The following ZHX2 variants were observed in gnomAD, a reference collection of about 807,000 sequenced individuals.
ZHX2 encodes zinc fingers and homeoboxes 2.
In ZHX2, 6 loss-of-function variants were observed where a neutral mutation model predicts 21.9. The ratio of observed to expected loss-of-function variants is 0.27; its 90% CI spans 0.15 to 0.54. The LOEUF is 0.54. ZHX2 is among the 20% of genes least tolerant of loss of function. The probability of loss-of-function intolerance (pLI) is 0.95; values close to 1 mark genes in which losing one functional copy is unlikely to be tolerated. For missense variants in ZHX2, 908 were observed against 1,090.7 expected (o/e 0.83, Z 2.36); for synonymous variants, 434 against 437.1 (o/e 0.99, Z 0.09).
intron 3 of ZHX2, among the ~76,000 whole-genome samples, chr8:122,955,334 G>A (rs1017574506): frequency 3.3e-5 from 5 of 152,046 alleles, no homozygotes; most frequent in East Asian, 1.9e-4. Context: ...AAAATACCAC[G>A]GAATGGGCCT....
chr8:122,951,598 G>A lies in ZHX2; in HGVS notation c.88G>A (p.Ala30Thr). The A allele has an allele frequency of 6.2e-7, 1 of 1,613,896 alleles. No individual in the cohort carries two copies. Among genetic ancestry groups the A allele is most frequent in the Non-Finnish European group, 8.5e-7 (1 of 1,179,966 alleles). The change falls in exon 3 of 4, where the codon GCC (alanine) becomes ACC (threonine). Residue 30 changes from alanine to threonine, a missense_variant. Physicochemically the swap from Ala to Thr is moderately conservative, Grantham distance 58 (BLOSUM62 0). Coordinates refer to ENST00000314393, the MANE Select transcript of ZHX2 (RefSeq NM_014943.5). ...AGATGTGCCCGAGGAAGTAGACAGG[G>A]CCAAAGAGAAAGGAATCGGCACACC... ...EQDVPEEVDR[A>T]KEKGIGTPQP...
At chr8:122,853,761 C>T (rs1220551643) in intron 1 of ZHX2, among the ~76,000 whole-genome samples, 1 of 152,094 alleles carries the variant, frequency 6.6e-6, no homozygotes, top group Non-Finnish European at 1.5e-5. Flanking sequence ...CCACTATCTC[C>T]CCATGCCCTT....
intron 3 of ZHX2, among the ~76,000 whole-genome samples, chr8:122,966,640 A>G (rs1176994746): frequency 6.6e-6 from 1 of 152,098 alleles, no homozygotes; most frequent in African/African-American, 2.4e-5. Flanking sequence ...CTAGGTGATG[A>G]TCTTTTTGTG....
intron 2 of ZHX2, among the ~76,000 whole-genome samples, chr8:122,893,855 T>C (rs1229653633): frequency 6.6e-6 from 1 of 152,224 alleles, no homozygotes; most frequent in Non-Finnish European, 1.5e-5. Context: ...GGAAAATTAT[T>C]GTTTTCCTTT....
intron 2 of ZHX2, among the ~76,000 whole-genome samples, chr8:122,892,310 C>T (rs998117022): frequency 2.6e-5 from 4 of 152,084 alleles, no homozygotes; most frequent in Non-Finnish European, 4.4e-5. Context: ...TGTCTATGTG[C>T]GTCTTTACAA....
At chr8:122,834,803 T>C (rs1438423945) in intron 1 of ZHX2, among the ~76,000 whole-genome samples, 2 of 152,196 alleles carry the variant, frequency 1.3e-5, no homozygotes, top group African/African-American at 2.4e-5. Context: ...TGGGTTTTCA[T>C]TAGGACCTTG....
intron 1 of ZHX2, among the ~76,000 whole-genome samples, chr8:122,799,397 A>AT (rs33947288): frequency 0.012 from 1,740 of 149,018 alleles, 18 homozygotes; most frequent in Non-Finnish European, 0.017. Flanking sequence ...GTGCGCCACA[A>AT]TTTTTTTTTT....
At chr8:122,864,514 A>G (rs568678939) in intron 2 of ZHX2, among the ~76,000 whole-genome samples, 1 of 152,202 alleles carries the variant, frequency 6.6e-6, no homozygotes, top group East Asian at 1.9e-4. Flanking sequence ...TGGGGAGCCT[A>G]TCTCATGCCA....
chr8:122,878,177 A>G (rs954939833), intron 2 of ZHX2, among the ~76,000 whole-genome samples: 1 of 152,224 alleles, frequency 6.6e-6, no homozygotes, highest in Non-Finnish European at 1.5e-5. Context: ...GTAGCAAAAT[A>G]CAATCAAAGC....
At chr8:122,825,236 A>C (rs1172831550) in intron 1 of ZHX2, among the ~76,000 whole-genome samples, 1 of 152,142 alleles carries the variant, frequency 6.6e-6, no homozygotes, top group Non-Finnish European at 1.5e-5. Flanking sequence ...CCTCTTGCAC[A>C]TGCACATTCT....
At chr8:122,965,650 A>G (rs551664282) in intron 3 of ZHX2, among the ~76,000 whole-genome samples, 1 of 152,272 alleles carries the variant, frequency 6.6e-6, no homozygotes, top group South Asian at 2.1e-4. Flanking sequence ...CATTCGGAAA[A>G]TATCTGTTAA....
intron 2 of ZHX2, among the ~76,000 whole-genome samples, chr8:122,887,821 C>T (rs1450819877): frequency 6.6e-6 from 1 of 151,954 alleles, no homozygotes; most frequent in Non-Finnish European, 1.5e-5. Flanking sequence ...CCCACCCTCG[C>T]GCCGCCCCCA....
At chr8:122,873,994 G>C (rs886679287) in intron 2 of ZHX2, among the ~76,000 whole-genome samples, 2 of 152,260 alleles carry the variant, frequency 1.3e-5, no homozygotes, top group African/African-American at 4.8e-5. Flanking sequence ...TGCCTACCCT[G>C]ATAATCCAGA....
intron 1 of ZHX2, among the ~76,000 whole-genome samples, chr8:122,836,190 G>C (rs1248456930): frequency 2.0e-5 from 3 of 152,182 alleles, no homozygotes; most frequent in African/African-American, 7.2e-5. Flanking sequence ...ATCAGCAAGT[G>C]CCTGACACAC....
At chr8:122,852,578 A>G (rs1235812212) in intron 1 of ZHX2, among the ~76,000 whole-genome samples, 2 of 152,068 alleles carry the variant, frequency 1.3e-5, no homozygotes, top group Non-Finnish European at 2.9e-5. Flanking sequence ...CTGATTCCCT[A>G]TTGTGACTCT....
chr8:122,816,299 A>T (rs1450597013), intron 1 of ZHX2: 1 of 152,210 alleles, frequency 6.6e-6, no homozygotes. Context: ...ACTATAGTAC[A>T]GTGTAAACAT....
rs1319813451 is a variant in ZHX2, at chr8:122,952,849, A to G, written c.1339A>G (p.Thr447Ala). 6.2e-7 allele frequency: 1 copy of G among 1,614,008 alleles called. No homozygotes were observed. ...PLTPASDRKK[T>A]KEQIAHLKAS... ...CACACCAGCCAGTGACCGCAAGAAG[A>G]CAAAGGAGCAGATAGCACATCTCAA... The change falls in exon 3 of 4, where the codon ACA becomes GCA. Residue 447 changes from threonine (T) to alanine (A), a missense_variant. Physicochemically the swap from Thr to Ala is moderately conservative, Grantham distance 58 (BLOSUM62 0). This residue lies in a region of ZHX2 where 232 missense variants were observed against 361.8 expected (regional missense o/e 0.64). Transcript: ENST00000314393. The surrounding 1 kb of genome is among the most constrained non-coding windows in gnomAD (Gnocchi z 6.9).
intron 2 of ZHX2, among the ~76,000 whole-genome samples, chr8:122,921,135 G>A (rs187192963): frequency 1.2e-4 from 19 of 152,086 alleles, no homozygotes; most frequent in Non-Finnish European, 2.2e-4. Context: ...GCTGGAGTGC[G>A]TTGGCGTGAT....
At chr8:122,921,107 TCTCA>T (rs1276220067) in intron 2 of ZHX2, among the ~76,000 whole-genome samples, 1 of 151,556 alleles carries the variant, frequency 6.6e-6, no homozygotes, top group Non-Finnish European at 1.5e-5. Context: ...GATGGAGGAG[TCTCA>T]CTCTGTCGCC....
Sources: allele counts gnomAD v4.1 joint callset (sites outside exome capture counted in the v4.1 genomes callset), GRCh38; gene constraint gnomAD v4.1.1; regional missense constraint gnomAD v4.1.1; non-coding constraint Gnocchi (gnomAD v3.1); transcripts MANE v1.5; gene names NCBI Gene and HGNC (gene_info 2026-07-23, HGNC 2026-07-21).